Variants in WSCD2 observed in about 807,000 individuals in gnomAD.
WSCD2 encodes the protein WSC domain sialate O sulfotransferase 2.
In WSCD2, 28 loss-of-function variants were observed where a neutral mutation model predicts 55.7. The observed-to-expected ratio is 0.50, with a 90% CI of 0.37 to 0.69. The LOEUF is 0.69. Among genes scored for constraint, WSCD2 ranks in the 30% least tolerant of loss-of-function variants. The pLI is 0.00. For missense variants in WSCD2, 616 were observed against 762.1 expected (o/e 0.81, Z 2.26); for synonymous variants, 301 against 301.9 (o/e 1.00, Z 0.03).
rs114978255 is a variant in WSCD2, at chr12:108,179,520, C to T, written c.-551-15762C>T. Among the ~76,000 whole-genome samples, 1,192 of 152,312 alleles carry T rather than the reference C, an allele frequency of 7.8e-3. 18 individuals are homozygous for T. Among genetic ancestry groups the T allele is most frequent in the African/African-American group, 0.028 (1,151 of 41,562 alleles). Reference sequence around the variant, plus strand: ...TCTCTGATTCAGGAGACTTTAAAGACCAGCTTGCTGTGTGAGGCCTCCCTT... The same window carrying T: ...TCTCTGATTCAGGAGACTTTAAAGATCAGCTTGCTGTGTGAGGCCTCCCTT... On this transcript the variant is annotated intron_variant, in intron 1 of 8. Transcript: ENST00000547525.
intron 8 of WSCD2, among the ~76,000 whole-genome samples, chr12:108,241,157 G>C (rs1217812600): frequency 6.6e-6 from 1 of 152,212 alleles, no homozygotes; most frequent in African/African-American, 2.4e-5. Flanking sequence ...GGCTCAGAGA[G>C]GTTAAGTGAC....
At chr12:108,159,695 C>G (rs1878869264) in intron 1 of WSCD2, among the ~76,000 whole-genome samples, 1 of 152,240 alleles carries the variant, frequency 6.6e-6, no homozygotes, top group Non-Finnish European at 1.5e-5. Context: ...CTTATTCTTG[C>G]TCTTGGACTG....
chr12:108,204,168 T>C (rs1194583241), intron 2 of WSCD2, among the ~76,000 whole-genome samples: 2 of 152,162 alleles, frequency 1.3e-5, no homozygotes, highest in Non-Finnish European at 1.5e-5. Context: ...GTAAAGTAGA[T>C]AGCACGTAGT....
intron 2 of WSCD2, among the ~76,000 whole-genome samples, chr12:108,204,766 G>A (rs962392524): frequency 6.6e-6 from 1 of 152,146 alleles, no homozygotes; most frequent in African/African-American, 2.4e-5. Flanking sequence ...TCTCCAGCGG[G>A]GCTGAAAAAA....
chr12:108,197,306 C>A (rs1410788276), intron 2 of WSCD2: 1 of 152,280 alleles, frequency 6.6e-6, no homozygotes, highest in Non-Finnish European at 1.5e-5. Flanking sequence ...CTGCCCCAGT[C>A]CTGCCCCCAA....
intron 1 of WSCD2, among the ~76,000 whole-genome samples, chr12:108,135,146 GTCCATCCA>G (rs879662718): frequency 1.3e-5 from 2 of 149,306 alleles, no homozygotes; most frequent in Non-Finnish European, 2.9e-5. Flanking sequence ...CCGTCCATCC[GTCCATCCA>G]TCCATCCATC....
At chr12:108,153,455 G>T (rs955744222) in intron 1 of WSCD2, among the ~76,000 whole-genome samples, 8 of 152,200 alleles carry the variant, frequency 5.3e-5, no homozygotes, top group Non-Finnish European at 1.0e-4. Context: ...GCACTTGTCT[G>T]TGCTGCGTCT....
chr12:108,187,763 A>G (rs1006384085), intron 1 of WSCD2, among the ~76,000 whole-genome samples: 2 of 152,184 alleles, frequency 1.3e-5, no homozygotes, highest in Non-Finnish European at 2.9e-5. Context: ...GATTGGCTCT[A>G]TTTTGCAGGT....
chr12:108,147,006 C>T (rs942395724), intron 1 of WSCD2, among the ~76,000 whole-genome samples: 1 of 152,214 alleles, frequency 6.6e-6, no homozygotes, highest in Non-Finnish European at 1.5e-5. Context: ...TGGACCTAGA[C>T]TCTGCTAAAC....
At chr12:108,205,898 T>C (rs1416867496) in intron 2 of WSCD2, among the ~76,000 whole-genome samples, 2 of 152,210 alleles carry the variant, frequency 1.3e-5, no homozygotes, top group African/African-American at 4.8e-5. Flanking sequence ...AGGAAAAATA[T>C]ATGTTTTAAG....
intron 7 of WSCD2, chr12:108,233,145 A>T: frequency 2.4e-6 from 1 of 419,406 alleles, no homozygotes; most frequent in Non-Finnish European, 4.3e-6. Context: ...TCAAGTACTT[A>T]TCCTATGCCT....
At chr12:108,202,122 G>A (rs571546670) in intron 2 of WSCD2, among the ~76,000 whole-genome samples, 120 of 152,268 alleles carry the variant, frequency 7.9e-4, no homozygotes, top group African/African-American at 2.5e-3. Context: ...GGATTTTAGC[G>A]GGCTGGCAGT....
intron 1 of WSCD2, among the ~76,000 whole-genome samples, chr12:108,143,161 G>A (rs1268162026): frequency 6.6e-6 from 1 of 152,122 alleles, no homozygotes; most frequent in African/African-American, 2.4e-5. Context: ...TCTCTGTGTG[G>A]GCTTCATTTT....
chr12:108,185,659 G>C (rs1483880506), intron 1 of WSCD2, among the ~76,000 whole-genome samples: 1 of 152,192 alleles, frequency 6.6e-6, no homozygotes, highest in African/African-American at 2.4e-5. Context: ...GTCAATGATA[G>C]CTTACTCTAC....
chr12:108,232,828 C>T lies in WSCD2; in HGVS notation c.1077C>T (p.His359=), dbSNP rs766744193. Residue 359 remains histidine (H), a synonymous_variant, in exon 7 of 9, where the codon CAC becomes CAT. Coordinates refer to ENST00000547525, the MANE Select transcript of WSCD2 (RefSeq NM_014653.4). ...GTGCTGGCAACACGTGGGCTCGCCA[C>T]CTCATTGAATTGGCCACAGGCTTCT... is the stretch of plus-strand genomic sequence containing the variant. ...FPGAGNTWAR[H]LIELATGFYT... The T allele has an allele frequency of 3.1e-6, 5 of 1,614,084 alleles. No homozygotes were observed. The highest frequency in any genetic ancestry group is 2.2e-5 in the South Asian group (2 of 91,080).
At chr12:108,170,182 C>T (rs1880089941) in intron 1 of WSCD2, among the ~76,000 whole-genome samples, 1 of 151,978 alleles carries the variant, frequency 6.6e-6, no homozygotes, top group South Asian at 2.1e-4. Context: ...AACCACCTTT[C>T]AGCCTTACCT....
chr12:108,213,836 T>C (rs184677708), intron 4 of WSCD2, among the ~76,000 whole-genome samples: 155 of 152,304 alleles, frequency 1.0e-3, no homozygotes, highest in African/African-American at 3.1e-3. Context: ...GTAGACACCC[T>C]GACCCTGGAA....
intron 1 of WSCD2, among the ~76,000 whole-genome samples, chr12:108,192,986 T>C (rs1883380295): frequency 6.6e-6 from 1 of 152,082 alleles, no homozygotes; most frequent in South Asian, 2.1e-4. Flanking sequence ...CTCAAAGAGT[T>C]ACAAGACCAG....
intron 4 of WSCD2, among the ~76,000 whole-genome samples, chr12:108,211,630 C>CATATATATATATATATATACAT (rs1886161923): frequency 2.9e-5 from 4 of 138,552 alleles, no homozygotes; most frequent in African/African-American, 1.1e-4. Flanking sequence ...TTTCAAATCC[C>CATATATATATATATATATACAT]ATATATATAT....
Sources: allele counts gnomAD v4.1 joint callset (sites outside exome capture counted in the v4.1 genomes callset), GRCh38; gene constraint gnomAD v4.1.1; transcripts MANE v1.5; gene names NCBI Gene and HGNC (gene_info 2026-07-23, HGNC 2026-07-21).